SEMA3D: variants seen among roughly 807,000 people sequenced by gnomAD.
SEMA3D encodes the protein semaphorin-3D.
SEMA3D carries 84 observed loss-of-function variants against 100.1 expected under a neutral mutation model. The ratio of observed to expected loss-of-function variants is 0.84; its 90% confidence interval spans 0.70 to 1.01. SEMA3D has a LOEUF of 1.01. SEMA3D is among the 50% of genes least tolerant of loss of function. SEMA3D has a pLI of 0.00. For missense variants in SEMA3D, 875 were observed against 934.1 expected (o/e 0.94, Z 0.82); for synonymous variants, 312 against 320.7 (o/e 0.97, Z 0.29).
At chr7:85,179,234 G>T (rs1449835903) in intron 1 of SEMA3D, among the ~76,000 whole-genome samples, 1 of 152,056 alleles carries the variant, frequency 6.6e-6, no homozygotes. Context: ...GTGAGAAGAG[G>T]GCCACCATCC....
chr7:85,183,740 T>C (rs1250255724), intron 1 of SEMA3D, among the ~76,000 whole-genome samples: 2 of 152,222 alleles, frequency 1.3e-5, no homozygotes, highest in Admixed American at 1.3e-4. Flanking sequence ...GTGTTGATGA[T>C]AGTTTCCCGA....
chr7:85,171,205 C>T (rs1449148719), intron 1 of SEMA3D, among the ~76,000 whole-genome samples: 1 of 152,062 alleles, frequency 6.6e-6, no homozygotes, highest in East Asian at 1.9e-4. Context: ...AGTGGATGAT[C>T]CATTGCTGTA....
chr7:85,139,726 A>G (rs955463290), intron 2 of SEMA3D, among the ~76,000 whole-genome samples: 3 of 152,074 alleles, frequency 2.0e-5, no homozygotes, highest in Non-Finnish European at 4.4e-5. Flanking sequence ...CATTGGTTGT[A>G]GGATGCCATT....
chr7:85,191,032 T>A (rs75447310), upstream of SEMA3D, among the ~76,000 whole-genome samples: 941 of 152,164 alleles, frequency 6.2e-3, 11 homozygotes, highest in African/African-American at 0.022. Context: ...AATCAGCTAT[T>A]TTTCAAAACT....
chr7:85,102,898 G>T (rs1005648553), intron 3 of SEMA3D, among the ~76,000 whole-genome samples: 1 of 151,888 alleles, frequency 6.6e-6, no homozygotes, highest in African/African-American at 2.4e-5. Context: ...AACTTTACAA[G>T]AAAAAACAGC....
chr7:85,131,229 T>TA (rs2116434179), intron 2 of SEMA3D, among the ~76,000 whole-genome samples: 1 of 152,186 alleles, frequency 6.6e-6, no homozygotes, highest in African/African-American at 2.4e-5. Context: ...AAATACTATA[T>TA]AACATCCAAG....
chr7:85,138,781 T>C (rs1032847002), intron 2 of SEMA3D, among the ~76,000 whole-genome samples: 2 of 151,520 alleles, frequency 1.3e-5, no homozygotes, highest in African/African-American at 4.8e-5. Context: ...TCATCTACAT[T>C]AGGTATTTCT....
At chr7:85,066,750 T>A (rs532881044) in intron 7 of SEMA3D, among the ~76,000 whole-genome samples, 2 of 152,232 alleles carry the variant, frequency 1.3e-5, no homozygotes, top group South Asian at 4.1e-4. Context: ...AACATATCTT[T>A]AAAATTCTGC....
chr7:85,159,596 G>A (rs1227997145), intron 1 of SEMA3D, among the ~76,000 whole-genome samples: 1 of 152,192 alleles, frequency 6.6e-6, no homozygotes. Flanking sequence ...AACTTTTCAA[G>A]TGGTCAAGGT....
chr7:85,099,809 G>C (rs1433722650), intron 3 of SEMA3D, among the ~76,000 whole-genome samples: 1 of 151,696 alleles, frequency 6.6e-6, no homozygotes, highest in East Asian at 1.9e-4. Context: ...ACGCTTATTT[G>C]CCATCTGTAT....
At chr7:85,144,195 GT>G (rs1446855706) in intron 2 of SEMA3D, among the ~76,000 whole-genome samples, 4 of 151,848 alleles carry the variant, frequency 2.6e-5, no homozygotes, top group African/African-American at 9.7e-5. Context: ...TACATTTTCA[GT>G]TTTTCTCTAT....
chr7:85,219,825 A>G, the SEMA3D span, among the ~76,000 whole-genome samples: 1 of 152,122 alleles, frequency 6.6e-6, no homozygotes, highest in African/African-American at 2.4e-5. Flanking sequence ...CTCAAACTTT[A>G]TGAAAGAAAA....
At chr7:85,141,717 C>G in intron 2 of SEMA3D, 2 of 906,060 alleles carry the variant, frequency 2.2e-6, no homozygotes, top group Non-Finnish European at 2.6e-6. Context: ...TATTTAGTAT[C>G]TAATAATGTT....
chr7:85,119,865 C>G (rs147738424), intron 3 of SEMA3D, among the ~76,000 whole-genome samples: 2 of 152,244 alleles, frequency 1.3e-5, no homozygotes, highest in African/African-American at 4.8e-5. Context: ...TCATTCAGCA[C>G]TCCTTGACCT....
intron 1 of SEMA3D, among the ~76,000 whole-genome samples, chr7:85,182,098 A>C (rs1379199912): frequency 6.6e-6 from 1 of 151,740 alleles, no homozygotes; most frequent in Non-Finnish European, 1.5e-5. Context: ...TCTTTTTTTT[A>C]GTTATTATTT....
intron 5 of SEMA3D, among the ~76,000 whole-genome samples, chr7:85,077,059 T>G (rs1791945858): frequency 6.6e-6 from 1 of 150,734 alleles, no homozygotes; most frequent in South Asian, 2.1e-4. Flanking sequence ...TGAGCCGAGA[T>G]TGCGCCACTG....
In SEMA3D at chr7:84,996,190, A is replaced by T. The variant is rs1272242990; in HGVS notation, c.*3250T>A. 1.3e-5 allele frequency: 2 copies of T among 152,026 alleles called. No homozygotes were observed. The highest frequency in any genetic ancestry group is 4.8e-5 in the African/African-American group (2 of 41,458). The allele number at this position is 152,026 out of a possible 1,614,324, so 9.4% of individuals were successfully genotyped here. ...TTATTATTTTTTGGACAGCTGAATG[A>T]TATCAAGTTGTTCTTGGAAATTCAA... is the stretch of plus-strand genomic sequence containing the variant. On this transcript the variant is annotated 3_prime_UTR_variant, in exon 19 of 19. Coordinates refer to ENST00000284136, the MANE Select transcript of SEMA3D (RefSeq NM_001384900.1).
At chr7:85,194,481 TTTGACTG>T in the SEMA3D span, among the ~76,000 whole-genome samples, 2 of 140,732 alleles carry the variant, frequency 1.4e-5, no homozygotes, top group African/African-American at 2.8e-5. Flanking sequence ...TTCCTTTTCT[TTTGACTG>T]TTGATATGCA....
At chr7:85,111,147 C>T (rs923714107) in intron 3 of SEMA3D, among the ~76,000 whole-genome samples, 2 of 151,992 alleles carry the variant, frequency 1.3e-5, no homozygotes, top group Non-Finnish European at 2.9e-5. Flanking sequence ...GATCTCCTGA[C>T]TTGATAGTAT....
Sources: gnomAD v4.1 joint callset for allele counts (sites outside exome capture counted in the v4.1 genomes callset) on GRCh38, gnomAD v4.1.1 for gene constraint, MANE v1.5 for transcripts, NCBI Gene and HGNC (gene_info 2026-07-23, HGNC 2026-07-21) for gene names.